PALM2AKAP2: variants seen among roughly 807,000 people sequenced by gnomAD.
PALM2AKAP2 encodes the protein PALM2 and AKAP2 fusion, also known as PALM2-AKAP2 fusion protein.
A neutral mutation model predicts 71.5 loss-of-function variants in PALM2AKAP2; 37 were observed. That is an observed-to-expected ratio of 0.52 (90% CI 0.40 to 0.68). The LOEUF (loss-of-function observed/expected upper bound fraction) is 0.68, where lower values mean the gene tolerates loss of function less well. Among genes scored for constraint, PALM2AKAP2 ranks in the 30% least tolerant of loss-of-function variants. PALM2AKAP2 has a pLI of 0.00. For missense variants in PALM2AKAP2, 1,224 were observed against 1,191.8 expected, an observed-to-expected ratio of 1.03 and a Z score of -0.40; for synonymous variants, 468 against 478.8, an observed-to-expected ratio of 0.98 and a Z score of 0.29.
intron 3 of PALM2AKAP2, among the ~76,000 whole-genome samples, chr9:109,914,109 C>T (rs941520499): frequency 6.6e-6 from 1 of 152,178 alleles, no homozygotes; most frequent in African/African-American, 2.4e-5. Flanking sequence ...GTTATGTAAA[C>T]ATCCACAGGC....
At chr9:109,950,494 A>G (rs922301454) in intron 6 of PALM2AKAP2, among the ~76,000 whole-genome samples, 3 of 151,912 alleles carry the variant, frequency 2.0e-5, no homozygotes, top group African/African-American at 7.3e-5. Flanking sequence ...AGTTTCCTGA[A>G]GCTCTTCCCC....
intron 2 of PALM2AKAP2, among the ~76,000 whole-genome samples, chr9:110,140,813 C>T (rs1836009415): frequency 6.6e-6 from 1 of 152,202 alleles, no homozygotes; most frequent in Non-Finnish European, 1.5e-5. Context: ...TGGGCTCCAA[C>T]ACTACAGCAG....
At chr9:109,810,605 C>A (rs538493498) in intron 1 of PALM2AKAP2, among the ~76,000 whole-genome samples, 58 of 152,162 alleles carry the variant, frequency 3.8e-4, no homozygotes, top group African/African-American at 1.3e-3. Flanking sequence ...GATGAGGCAG[C>A]AGGAGTGTTG....
intron 6 of PALM2AKAP2, among the ~76,000 whole-genome samples, chr9:109,990,985 C>G (rs1366246685): frequency 6.6e-6 from 1 of 152,150 alleles, no homozygotes; most frequent in Non-Finnish European, 1.5e-5. Flanking sequence ...GGGAAGTCCT[C>G]TAAGTTAGGG....
intron 1 of PALM2AKAP2, among the ~76,000 whole-genome samples, chr9:109,703,116 GC>G (rs1828088772): frequency 6.6e-6 from 1 of 152,144 alleles, no homozygotes; most frequent in South Asian, 2.1e-4. Flanking sequence ...ACTGTGCCTG[GC>G]CTATTTTTTA....
intron 1 of PALM2AKAP2, among the ~76,000 whole-genome samples, chr9:110,095,145 G>A (rs537941398): frequency 2.6e-5 from 4 of 152,266 alleles, no homozygotes; most frequent in African/African-American, 9.6e-5. Flanking sequence ...TTGACGGCTG[G>A]GCTTTTTTTC....
chr9:110,077,911 G>A lies in PALM2AKAP2; in HGVS notation c.156+29056G>A, dbSNP rs188444819. On this transcript the variant is annotated intron_variant, in intron 1 of 3. Coordinates refer to ENST00000374525, the Ensembl canonical transcript of PALM2AKAP2. Reference sequence around the variant, plus strand: ...CGCCTGTAATCCTAGCTACTCAGGAGGCTGAGACAGGAGAATCGCTTGAAC... The same window carrying A: ...CGCCTGTAATCCTAGCTACTCAGGAAGCTGAGACAGGAGAATCGCTTGAAC... Among the ~76,000 whole-genome samples, 18 of 152,110 alleles carry A rather than the reference G, an allele frequency of 1.2e-4. No homozygotes were observed. In the East Asian group the frequency reaches 3.5e-3, roughly 29 times the overall value.
rs1836611908 is a variant in PALM2AKAP2 at position 110,161,988 on chromosome 9, C to T, written c.2748+5491C>T. Reference sequence around the variant, plus strand: ...GGTGTAGAATGGCCTCCTGGTATTACTTCCCCTCCCATCCTCTTCTGGTGT... The same window carrying T: ...GGTGTAGAATGGCCTCCTGGTATTATTTCCCCTCCCATCCTCTTCTGGTGT... On this transcript the variant is annotated intron_variant, in intron 3 of 3. Transcript: ENST00000374525. 6.6e-5 allele frequency: 96 copies of T among 1,456,148 alleles called. 1 individual carries two copies. The South Asian group carries it at 1.1e-3, about 17-fold the overall frequency. The allele number at this position is 1,456,148 out of a possible 1,614,324, so 90.2% of individuals were successfully genotyped here.
intron 7 of PALM2AKAP2, among the ~76,000 whole-genome samples, chr9:110,023,528 T>C (rs941028792): frequency 4.0e-5 from 6 of 151,740 alleles, no homozygotes; most frequent in African/African-American, 1.5e-4. Flanking sequence ...TGGTCAGGCT[T>C]GTCTTGAACT....
At chr9:110,071,264 A>G (rs1205873280) in intron 1 of PALM2AKAP2, among the ~76,000 whole-genome samples, 1 of 152,120 alleles carries the variant, frequency 6.6e-6, no homozygotes, top group Non-Finnish European at 1.5e-5. Context: ...CTCAACATTT[A>G]GAGAGTCTGA....
chr9:110,067,115 G>A (rs1025588553), intron 1 of PALM2AKAP2, among the ~76,000 whole-genome samples: 1 of 151,990 alleles, frequency 6.6e-6, no homozygotes, highest in Non-Finnish European at 1.5e-5. Flanking sequence ...CTGTTTTATC[G>A]AACTGAGGAG....
intron 6 of PALM2AKAP2, among the ~76,000 whole-genome samples, chr9:110,002,559 G>A (rs938481756): frequency 6.6e-6 from 1 of 152,132 alleles, no homozygotes; most frequent in Non-Finnish European, 1.5e-5. Flanking sequence ...ATGAGTTAGG[G>A]ATGATTCCCT....
At chr9:109,925,335 T>C (rs1484198878) in intron 5 of PALM2AKAP2, among the ~76,000 whole-genome samples, 3 of 151,996 alleles carry the variant, frequency 2.0e-5, no homozygotes, top group African/African-American at 7.3e-5. Context: ...TTCCCATTAG[T>C]CCCAACACTC....
exon 4 of PALM2AKAP2, chr9:110,168,623 C>T: frequency 9.1e-7 from 1 of 1,101,988 alleles, no homozygotes; most frequent in Non-Finnish European, 1.3e-6. Context: ...CTTATGTAGA[C>T]CAGAAGCTGC....
Position 110,017,729 on chromosome 9 carries a change from C to CTT in PALM2AKAP2, c.582+1706_582+1707dup, listed in dbSNP as rs11344725. On this transcript the variant is annotated intron_variant, in intron 7 of 9. Coordinates refer to the PALM2AKAP2 transcript ENST00000302798. ...CTTTTATAAAGCAAACGGCATATTC[C>CTT]TTTTTTTTTTTTTTTTTAAGACGGA... Among the ~76,000 whole-genome samples the CTT allele has an allele frequency of 1.2e-4, 5 of 42,784 alleles. 1 individual carries two copies. The highest frequency in any genetic ancestry group is 2.9e-3 in the South Asian group (2 of 684). 28.1% of individuals were successfully genotyped at this position (42,784 alleles called of 152,430 possible).
At chr9:110,035,223 A>AT (rs1463030434) in intron 7 of PALM2AKAP2, among the ~76,000 whole-genome samples, 15 of 141,812 alleles carry the variant, frequency 1.1e-4, no homozygotes, top group South Asian at 2.1e-4. Context: ...ATATATAAAA[A>AT]ATATATATAA....
intron 1 of PALM2AKAP2, among the ~76,000 whole-genome samples, chr9:109,850,344 T>G (rs537815977): frequency 4.6e-5 from 7 of 152,310 alleles, no homozygotes; most frequent in Admixed American, 4.6e-4. Context: ...TTTAAACACA[T>G]TTTTGAAGCA....
chr9:109,800,166 A>G (rs1017992811), intron 1 of PALM2AKAP2, among the ~76,000 whole-genome samples: 4 of 152,210 alleles, frequency 2.6e-5, no homozygotes, highest in Admixed American at 2.6e-4. Flanking sequence ...ATTTGAAAAG[A>G]GGATGGAGAT....
chr9:109,657,849 C>T (rs1047726889), intron 1 of PALM2AKAP2, among the ~76,000 whole-genome samples: 7 of 151,458 alleles, frequency 4.6e-5, no homozygotes, highest in Non-Finnish European at 1.0e-4. Context: ...TGGCTGGGAG[C>T]TAGGGAGTGG....
Sources: allele counts gnomAD v4.1 joint callset (sites outside exome capture counted in the v4.1 genomes callset), GRCh38; gene constraint gnomAD v4.1.1; transcripts MANE v1.5; gene names NCBI Gene and HGNC (gene_info 2026-07-23, HGNC 2026-07-21).